APP: variants seen among roughly 807,000 people sequenced by gnomAD.
APP encodes the protein amyloid beta precursor protein, also known as amyloid-beta precursor protein.
Under a neutral mutation model 101.4 loss-of-function variants are expected in APP, and 31 were observed. That is an observed-to-expected ratio of 0.31 (90% CI 0.23 to 0.41). The LOEUF (loss-of-function observed/expected upper bound fraction) is 0.41. APP is among the 10% of genes least tolerant of loss of function. APP has a pLI of 1.00. For missense variants in APP, 839 were observed against 1,003.7 expected (o/e 0.84, Z 2.22); for synonymous variants, 366 against 364.4 (o/e 1.00, Z -0.05).
intron 13 of APP, among the ~76,000 whole-genome samples, chr21:25,914,526 T>C (rs776656718): frequency 1.4e-5 from 2 of 144,438 alleles, no homozygotes; most frequent in Non-Finnish European, 3.0e-5. Context: ...TTGCTGCCTC[T>C]GGAGGATGCA....
At chr21:25,971,087 C>T (rs1267511403) in intron 11 of APP, among the ~76,000 whole-genome samples, 1 of 151,688 alleles carries the variant, frequency 6.6e-6, no homozygotes, top group Admixed American at 6.6e-5. Context: ...CTTGCTCTGT[C>T]ACCACACTGG....
chr21:26,044,600 T>C (rs1281655751), intron 5 of APP, among the ~76,000 whole-genome samples: 2 of 152,182 alleles, frequency 1.3e-5, no homozygotes, highest in East Asian at 1.9e-4. Flanking sequence ...AGTGTGATGG[T>C]GCAATCTTGG....
At chr21:25,965,566 A>C (rs1184343206) in intron 11 of APP, among the ~76,000 whole-genome samples, 2 of 152,246 alleles carry the variant, frequency 1.3e-5, no homozygotes, top group African/African-American at 4.8e-5. Flanking sequence ...ACATTTATAT[A>C]AGGAAACTCA....
chr21:26,170,467 C>G, intron 1 of APP, 97 bp downstream of exon 1: 1 of 1,326,654 alleles, frequency 7.5e-7, no homozygotes. Context: ...TTGACGGACC[C>G]CCGGCTTCTC....
intron 2 of APP, among the ~76,000 whole-genome samples, chr21:26,098,082 A>C: frequency 1.2e-5 from 1 of 86,042 alleles, no homozygotes; most frequent in Admixed American, 1.3e-4. Flanking sequence ...TCTGTCTCAG[A>C]AAAAAAAAAA....
chr21:26,159,333 C>A (rs374472192), intron 1 of APP, among the ~76,000 whole-genome samples: 2 of 152,200 alleles, frequency 1.3e-5, no homozygotes, highest in Non-Finnish European at 2.9e-5. Flanking sequence ...CCCGCCTTGG[C>A]CTCCCAAAGT....
intron 1 of APP, among the ~76,000 whole-genome samples, chr21:26,126,351 C>T (rs527732024): frequency 8.5e-5 from 13 of 152,304 alleles, no homozygotes; most frequent in African/African-American, 2.9e-4. Flanking sequence ...TGTTGGTGTA[C>T]ACCTAACGCT....
chr21:26,080,990 T>A (rs2146077295), intron 3 of APP, among the ~76,000 whole-genome samples: 1 of 152,274 alleles, frequency 6.6e-6, no homozygotes, highest in South Asian at 2.1e-4. Flanking sequence ...TACTGAGAAA[T>A]GATACCTAAA....
intron 1 of APP, among the ~76,000 whole-genome samples, chr21:26,123,321 A>G (rs2062614159): frequency 6.6e-6 from 1 of 152,258 alleles, no homozygotes; most frequent in Non-Finnish European, 1.5e-5. Flanking sequence ...CAAACATAAT[A>G]GAAATTCAGT....
Position 26,005,231 on chromosome 21 carries a change from T to C in APP, c.866-5049A>G, listed in dbSNP as rs1025025384. On this transcript the variant is annotated intron_variant, in intron 6 of 17. Coordinates refer to ENST00000346798, the MANE Select transcript of APP (RefSeq NM_000484.4). ...GAGTTCAAGACCAACGTAGTCAACA[T>C]GGCGAAACCCTGTCTCTACTAAAAA... 3.3e-5 allele frequency among the ~76,000 whole-genome samples: 5 copies of C among 152,150 alleles called. No homozygotes were observed. In the East Asian group the frequency reaches 9.7e-4, roughly 29 times the overall value.
At chr21:26,028,128 A>G (rs1397569099) in intron 5 of APP, among the ~76,000 whole-genome samples, 1 of 151,402 alleles carries the variant, frequency 6.6e-6, no homozygotes, top group African/African-American at 2.4e-5. Flanking sequence ...CTCAGGAGGC[A>G]GAAGCTGCAT....
intron 15 of APP, among the ~76,000 whole-genome samples, chr21:25,898,244 C>T (rs1601325949): frequency 1.3e-5 from 2 of 152,082 alleles, no homozygotes; most frequent in African/African-American, 2.4e-5. Context: ...GTAATTGGTT[C>T]GTCTGCTGAA....
At chr21:26,018,651 A>G (rs535258451) in intron 6 of APP, among the ~76,000 whole-genome samples, 10 of 152,308 alleles carry the variant, frequency 6.6e-5, no homozygotes, top group African/African-American at 2.4e-4. Flanking sequence ...ACTTGCCTCA[A>G]TTAGAGCTTT....
intron 11 of APP, among the ~76,000 whole-genome samples, chr21:25,958,537 A>G (rs935742342): frequency 7.3e-6 from 1 of 136,602 alleles, no homozygotes; most frequent in African/African-American, 2.8e-5. Flanking sequence ...TTGGCCTCCC[A>G]AAGTGCTAGG....
intron 8 of APP, among the ~76,000 whole-genome samples, chr21:25,996,187 G>GT (rs1229410780): frequency 6.6e-6 from 1 of 152,174 alleles, no homozygotes; most frequent in Non-Finnish European, 1.5e-5. Context: ...GACACTGTAA[G>GT]TAAGGCCTGC....
intron 11 of APP, among the ~76,000 whole-genome samples, chr21:25,973,680 C>T (rs1216238283): frequency 3.3e-5 from 5 of 151,986 alleles, no homozygotes; most frequent in South Asian, 2.1e-4. Context: ...TGGTGGTTCA[C>T]GCCTGTAATC....
intron 3 of APP, among the ~76,000 whole-genome samples, chr21:26,056,456 C>G (rs1273031586): frequency 2.0e-5 from 3 of 152,194 alleles, no homozygotes; most frequent in East Asian, 1.9e-4. Context: ...TTACTTTCAT[C>G]TGGCAGAAAA....
intron 5 of APP, among the ~76,000 whole-genome samples, chr21:26,045,818 A>G (rs2045583963): frequency 6.6e-6 from 1 of 152,146 alleles, no homozygotes. Context: ...CACACAAGCC[A>G]CCCCGAGCTG....
At position 26,000,051 on chromosome 21, in the gene APP, T is replaced by C. The variant is rs770513095; in HGVS notation, c.997A>G (p.Thr333Ala). The C allele has an allele frequency of 6.2e-7, 1 of 1,614,142 alleles. No homozygotes were observed. The highest frequency in any genetic ancestry group is 8.5e-7 in the Non-Finnish European group (1 of 1,180,026). The change falls in exon 7 of 18, where the codon ACA becomes GCA. Residue 333 changes from threonine to alanine, a missense_variant. Physicochemically the swap from Thr to Ala is moderately conservative, Grantham distance 58. Transcript: ENST00000346798. ...CACACGGCCATGCAGTACTCTTCTG[T>C]GTCAAAGTTGTTCCGGTTGCCGCCA... ...GCGGNRNNFDTEEYCMAVCGS... is the reference protein window; with the variant it reads ...GCGGNRNNFDAEEYCMAVCGS...
Sources: gnomAD v4.1 joint callset for allele counts (sites outside exome capture counted in the v4.1 genomes callset) on GRCh38, gnomAD v4.1.1 for gene constraint, MANE v1.5 for transcripts, NCBI Gene and HGNC (gene_info 2026-07-23, HGNC 2026-07-21) for gene names.